Variants in C9orf153 observed in about 807,000 individuals in gnomAD.
C9orf153 encodes the protein chromosome 9 open reading frame 153.
C9orf153 carries 10 observed loss-of-function variants against 9.0 expected under a neutral mutation model. The observed-to-expected ratio is 1.11, with a 90% CI of 0.69 to 1.89. The LOEUF is 1.89. C9orf153 is among the 40% of genes most tolerant of loss of function. C9orf153 has a pLI of 0.00. For missense variants in C9orf153, 108 were observed against 111.0 expected (o/e 0.97, Z 0.12); for synonymous variants, 35 against 37.3 (o/e 0.94, Z 0.23).
At chr9:86,259,419 C>T (rs780693820) in intron 1 of C9orf153, 131 bp downstream of exon 1, 12 of 152,422 alleles carry the variant, frequency 7.9e-5, no homozygotes, top group Non-Finnish European at 1.3e-4. Flanking sequence ...ATCTCACCTC[C>T]CAGCTCTGGT....
intron 1 of C9orf153, among the ~76,000 whole-genome samples, chr9:86,235,850 T>C (rs1824574995): frequency 6.9e-6 from 1 of 144,028 alleles, no homozygotes; most frequent in Non-Finnish European, 1.5e-5. Flanking sequence ...AGGTATAACA[T>C]ATGCATAATG....
intron 3 of C9orf153, among the ~76,000 whole-genome samples, chr9:86,224,376 CA>C (rs370307745): frequency 0.075 from 9,836 of 130,474 alleles, 894 homozygotes; most frequent in African/African-American, 0.23. Context: ...GACAGTGTCT[CA>C]AAAAAAAAAA....
At chr9:86,252,576 G>C (rs1001810471) in intron 1 of C9orf153, among the ~76,000 whole-genome samples, 1 of 152,010 alleles carries the variant, frequency 6.6e-6, no homozygotes. Flanking sequence ...TACTATTGGG[G>C]CCCCTGGAAG....
At chr9:86,232,752 A>C (rs1406206552) in intron 1 of C9orf153, among the ~76,000 whole-genome samples, 3 of 151,216 alleles carry the variant, frequency 2.0e-5, no homozygotes. Context: ...TCTTTTTTTG[A>C]GATAGAGTCT....
chr9:86,240,632 C>A (rs1417087192), intron 1 of C9orf153, among the ~76,000 whole-genome samples: 1 of 151,480 alleles, frequency 6.6e-6, no homozygotes, highest in Non-Finnish European at 1.5e-5. Context: ...CTTGCCTCAG[C>A]CTCCCAAAGT....
At chr9:86,239,443 G>T (rs1174797075) in intron 1 of C9orf153, among the ~76,000 whole-genome samples, 1 of 152,078 alleles carries the variant, frequency 6.6e-6, no homozygotes, top group Non-Finnish European at 1.5e-5. Flanking sequence ...GAAAAAAAAA[G>T]AAATGGATGA....
chr9:86,228,034 T>C lies in C9orf153; in HGVS notation c.67-4A>G, dbSNP rs776968108. The C allele has an allele frequency of 3.2e-6, 5 of 1,571,170 alleles. No homozygotes were observed. In the East Asian group the frequency reaches 1.1e-4, roughly 36 times the overall value. Reference sequence around the variant, plus strand: ...TACATGCATATAATTCTGGAAGCTGTGGACAAAAAAAAAAGTGGTAAGTCA... The same window carrying C: ...TACATGCATATAATTCTGGAAGCTGCGGACAAAAAAAAAAGTGGTAAGTCA... On this transcript the variant is annotated splice_polypyrimidine_tract_variant and splice_region_variant and intron_variant, in intron 2 of 3. Transcript: ENST00000339137.
chr9:86,233,905 A>C (rs1824523799), intron 1 of C9orf153, among the ~76,000 whole-genome samples: 1 of 152,144 alleles, frequency 6.6e-6, no homozygotes, highest in Non-Finnish European at 1.5e-5. Context: ...CAACATGGTG[A>C]AACCCCATCT....
intron 1 of C9orf153, among the ~76,000 whole-genome samples, chr9:86,254,808 G>C (rs1825076835): frequency 6.6e-6 from 1 of 152,190 alleles, no homozygotes; most frequent in Non-Finnish European, 1.5e-5. Context: ...TGTAATCCCA[G>C]CACTGTGGAA....
rs144304566 is a variant in C9orf153, at chr9:86,253,893, T to C, written c.-27+5657A>G. 1.4e-4 allele frequency among the ~76,000 whole-genome samples: 21 copies of C among 152,150 alleles called. No homozygotes were observed. The East Asian group carries it at 1.9e-3, about 14-fold the overall frequency. ...GATCATGAGGTCAGGAGATAAAGAC[T>C]ATCCTGGCTAACATGATGAAACCCT... is the stretch of plus-strand genomic sequence containing the variant. On this transcript the variant is annotated intron_variant, in intron 1 of 3. Coordinates refer to ENST00000339137, the MANE Select transcript of C9orf153 (RefSeq NM_001276366.4).
At position 86,229,631 on chromosome 9, in the gene C9orf153, TA is replaced by T; in HGVS notation, c.-26-3del. The T allele has an allele frequency of 1.5e-5, 23 of 1,561,562 alleles. No individual in the cohort carries two copies. Among genetic ancestry groups the T allele is most frequent in the Admixed American group, 1.7e-5 (1 of 58,320 alleles). ...TGCTGGGATTTTATTCTCTAATTCC[TA>T]AAAAAAGCAATATGAGAAAAGACAA... On this transcript the variant is annotated splice_polypyrimidine_tract_variant and splice_region_variant and intron_variant, in intron 1 of 3. Coordinates refer to ENST00000339137, the MANE Select transcript of C9orf153 (RefSeq NM_001276366.4).
chr9:86,228,451 A>G (rs1171381954), intron 2 of C9orf153, among the ~76,000 whole-genome samples: 1 of 152,184 alleles, frequency 6.6e-6, no homozygotes, highest in Non-Finnish European at 1.5e-5. Context: ...GATCACTTAG[A>G]TATCAGAGCT....
intron 1 of C9orf153, among the ~76,000 whole-genome samples, chr9:86,257,578 C>T (rs899112595): frequency 2.0e-5 from 3 of 152,174 alleles, no homozygotes; most frequent in African/African-American, 4.8e-5. Context: ...GATCCCTTAC[C>T]CTTGAGTCTG....
At chr9:86,238,978 A>G (rs1824666188) in intron 1 of C9orf153, among the ~76,000 whole-genome samples, 1 of 151,370 alleles carries the variant, frequency 6.6e-6, no homozygotes, top group African/African-American at 2.4e-5. Flanking sequence ...AAAAACAAAC[A>G]TATATGGGCC....
chr9:86,234,008 G>A (rs1014377753), intron 1 of C9orf153, among the ~76,000 whole-genome samples: 6 of 152,000 alleles, frequency 3.9e-5, no homozygotes, highest in Admixed American at 2.0e-4. Context: ...GCTTGAACCC[G>A]GGAGGTGGAA....
intron 1 of C9orf153, among the ~76,000 whole-genome samples, chr9:86,252,909 A>G (rs1201794854): frequency 1.3e-5 from 2 of 152,212 alleles, no homozygotes; most frequent in African/African-American, 4.8e-5. Flanking sequence ...AGCTGAACTG[A>G]TAGAGAACTG....
intron 1 of C9orf153, among the ~76,000 whole-genome samples, chr9:86,232,072 C>T (rs1824484340): frequency 6.6e-6 from 1 of 152,084 alleles, no homozygotes; most frequent in African/African-American, 2.4e-5. Flanking sequence ...TGCCAATATC[C>T]AACTTCAATG....
intron 1 of C9orf153, among the ~76,000 whole-genome samples, chr9:86,232,614 C>T (rs1824496116): frequency 6.6e-6 from 1 of 152,090 alleles, no homozygotes; most frequent in Admixed American, 6.6e-5. Flanking sequence ...TGCACTCACC[C>T]CCAACTTTTC....
chr9:86,235,711 C>T (rs1269129101), intron 1 of C9orf153, among the ~76,000 whole-genome samples: 1 of 124,226 alleles, frequency 8.0e-6, no homozygotes, highest in Non-Finnish European at 1.6e-5. Context: ...CACTGCACTC[C>T]AGCCTGGGTG....
Sources: gnomAD v4.1 joint callset for allele counts (sites outside exome capture counted in the v4.1 genomes callset) on GRCh38, gnomAD v4.1.1 for gene constraint, MANE v1.5 for transcripts, NCBI Gene and HGNC (gene_info 2026-07-23, HGNC 2026-07-21) for gene names.